Variants in ASTN2 observed in about 807,000 individuals in gnomAD.
ASTN2 encodes the protein astrotactin 2, also known as astrotactin-2.
A neutral mutation model predicts 139.8 loss-of-function variants in ASTN2; 54 were observed. That is an observed-to-expected ratio of 0.39 (90% confidence interval 0.31 to 0.48). ASTN2 has a LOEUF of 0.48. Among genes scored for constraint, ASTN2 ranks in the 20% least tolerant of loss-of-function variants. ASTN2 has a pLI of 0.95. For missense variants in ASTN2, 1,565 were observed against 1,725.1 expected (o/e 0.91, Z 1.64); for synonymous variants, 756 against 719.5 (o/e 1.05, Z -0.81).
chr9:117,249,230 A>T (rs565868712), intron 2 of ASTN2, among the ~76,000 whole-genome samples: 51 of 152,290 alleles, frequency 3.3e-4, no homozygotes, highest in African/African-American at 1.2e-3. Context: ...CCCTAATGGA[A>T]AAGAAGGAAA....
intron 1 of ASTN2, among the ~76,000 whole-genome samples, chr9:117,332,481 G>T (rs1345365523): frequency 6.6e-6 from 1 of 152,112 alleles, no homozygotes; most frequent in African/African-American, 2.4e-5. Context: ...TGTGAGAATC[G>T]CTTGAGCCAG....
rs575907834 is a variant in ASTN2, at chr9:116,531,679, T to C, written c.3356-44179A>G. ...TGGTTTCCAGCTTCATCCACGTTCC[T>C]ACAAAGGACATGAACTCATCCTTTT... On this transcript the variant is annotated intron_variant, in intron 19 of 22. Coordinates refer to ENST00000313400, the MANE Select transcript of ASTN2 (RefSeq NM_001365068.1). Among the ~76,000 whole-genome samples the C allele has an allele frequency of 1.2e-4, 18 of 152,308 alleles. No homozygotes were observed. The East Asian group carries it at 1.7e-3, about 15-fold the overall frequency.
chr9:116,671,632 C>G (rs1010537766), intron 16 of ASTN2, among the ~76,000 whole-genome samples: 1 of 152,092 alleles, frequency 6.6e-6, no homozygotes, highest in Non-Finnish European at 1.5e-5. Flanking sequence ...GAGGATGCCA[C>G]TTCTGTGATT....
intron 7 of ASTN2, among the ~76,000 whole-genome samples, chr9:116,996,795 A>G (rs1369860380): frequency 6.6e-6 from 1 of 152,112 alleles, no homozygotes; most frequent in African/African-American, 2.4e-5. Flanking sequence ...TTGTTTATTG[A>G]TAATATATTT....
intron 19 of ASTN2, among the ~76,000 whole-genome samples, chr9:116,534,726 C>T (rs1851532543): frequency 6.6e-6 from 1 of 152,130 alleles, no homozygotes. Context: ...TTCTGAGAGA[C>T]AGTTTGTTTT....
chr9:116,724,682 T>C (rs927486786), intron 16 of ASTN2, among the ~76,000 whole-genome samples: 10 of 152,216 alleles, frequency 6.6e-5, no homozygotes, highest in African/African-American at 1.9e-4. Flanking sequence ...CCACATTTTG[T>C]GGTTTTTTGT....
intron 6 of ASTN2, among the ~76,000 whole-genome samples, chr9:117,017,619 T>C (rs1201052064): frequency 6.6e-6 from 1 of 152,210 alleles, no homozygotes; most frequent in Non-Finnish European, 1.5e-5. Flanking sequence ...ATAGAGCTTC[T>C]ATGGAAATTA....
chr9:117,271,744 T>G (rs188694262), intron 2 of ASTN2, among the ~76,000 whole-genome samples: 1 of 152,292 alleles, frequency 6.6e-6, no homozygotes, highest in East Asian at 1.9e-4. Flanking sequence ...CAGTCAAATT[T>G]TAAAGCTCCA....
At chr9:117,344,469 G>A (rs540136593) in intron 1 of ASTN2, among the ~76,000 whole-genome samples, 12 of 152,176 alleles carry the variant, frequency 7.9e-5, no homozygotes, top group Admixed American at 2.6e-4. Context: ...TTGTATTAAC[G>A]CTCAGTACCA....
intron 3 of ASTN2, among the ~76,000 whole-genome samples, chr9:117,166,383 A>C (rs1050875028): frequency 6.6e-6 from 1 of 152,098 alleles, no homozygotes; most frequent in Non-Finnish European, 1.5e-5. Context: ...TCTGCCAAAA[A>C]TTCAAATAGA....
At chr9:117,253,337 G>T (rs1833590322) in intron 2 of ASTN2, among the ~76,000 whole-genome samples, 1 of 152,160 alleles carries the variant, frequency 6.6e-6, no homozygotes, top group Admixed American at 6.5e-5. Context: ...GGGTCATGAG[G>T]CCAAGAATAG....
At chr9:116,490,542 C>T (rs1334196424) in intron 19 of ASTN2, among the ~76,000 whole-genome samples, 2 of 152,066 alleles carry the variant, frequency 1.3e-5, no homozygotes, top group Non-Finnish European at 2.9e-5. Context: ...TGAAGAAATA[C>T]TTGAGACTGG....
intron 1 of ASTN2, among the ~76,000 whole-genome samples, chr9:117,376,893 C>A (rs1564173714): frequency 6.6e-6 from 1 of 152,058 alleles, no homozygotes; most frequent in Non-Finnish European, 1.5e-5. Flanking sequence ...AGACATCTGG[C>A]CTTTGTTTGA....
intron 3 of ASTN2, among the ~76,000 whole-genome samples, chr9:117,161,158 G>A (rs1830541756): frequency 6.6e-6 from 1 of 152,000 alleles, no homozygotes; most frequent in Non-Finnish European, 1.5e-5. Flanking sequence ...CAAAATATAT[G>A]TAGCTACCAG....
At chr9:116,514,820 G>T (rs997582568) in intron 19 of ASTN2, among the ~76,000 whole-genome samples, 7 of 152,166 alleles carry the variant, frequency 4.6e-5, no homozygotes, top group Non-Finnish European at 8.8e-5. Flanking sequence ...AACTCCTGGT[G>T]TGCCGTTTGC....
chr9:116,811,398 A>T (rs1831163916), intron 12 of ASTN2, among the ~76,000 whole-genome samples: 1 of 152,194 alleles, frequency 6.6e-6, no homozygotes, highest in African/African-American at 2.4e-5. Flanking sequence ...TCCAAGTGTC[A>T]CTTAGAAGAT....
chr9:117,038,076 A>G (rs2132644975), intron 6 of ASTN2, among the ~76,000 whole-genome samples: 1 of 152,302 alleles, frequency 6.6e-6, no homozygotes, highest in South Asian at 2.1e-4. Context: ...CAAGTGAAAA[A>G]CAAGTAGGGG....
At chr9:116,483,671 G>C (rs1351069367) in intron 20 of ASTN2, among the ~76,000 whole-genome samples, 1 of 152,176 alleles carries the variant, frequency 6.6e-6, no homozygotes, top group East Asian at 1.9e-4. Flanking sequence ...GAAAAAGGCA[G>C]AGACGCAGAG....
At chr9:116,916,785 T>C (rs1010921499) in intron 10 of ASTN2, among the ~76,000 whole-genome samples, 3 of 152,066 alleles carry the variant, frequency 2.0e-5, no homozygotes, top group East Asian at 1.9e-4. Flanking sequence ...TGAGCCAAGA[T>C]TGTGCCACTG....
Sources: allele counts gnomAD v4.1 joint callset (sites outside exome capture counted in the v4.1 genomes callset), GRCh38; gene constraint gnomAD v4.1.1; transcripts MANE v1.5; gene names NCBI Gene and HGNC (gene_info 2026-07-23, HGNC 2026-07-21).